KCNK10: variants seen among roughly 807,000 people sequenced by gnomAD.
KCNK10 encodes potassium two pore domain channel subfamily K member 10, also known as potassium channel subfamily K member 10.
KCNK10 carries 25 observed loss-of-function variants against 47.7 expected under a neutral mutation model. That is an observed-to-expected ratio of 0.52 (90% CI 0.38 to 0.73). The LOEUF (loss-of-function observed/expected upper bound fraction) is 0.73. KCNK10 is among the 30% of genes least tolerant of loss of function. KCNK10 has a pLI of 0.00. For synonymous variants in KCNK10, 303 were observed against 285.6 expected (o/e 1.06, Z -0.61); for missense variants, 563 against 714.5 (o/e 0.79, Z 2.42).
At position 88,187,975 on chromosome 14, in the gene KCNK10, T is replaced by C; in HGVS notation, c.1003A>G (p.Lys335Glu). ...DWLRVLSKKT[K>E]EEVGEIKAHA... ...TTAGGAAGGGGTCCTACCTCTTCTT[T>C]TGTCTTTTTGGACAGAACCCGTAGC... Residue 335 changes from lysine to glutamate, a missense_variant, in exon 6 of 7, where the codon AAA (lysine) becomes GAA (glutamate). Coordinates refer to ENST00000319231, the MANE Select transcript of KCNK10 (RefSeq NM_138317.3). 6.2e-7 allele frequency: 1 copy of C among 1,614,124 alleles called. No homozygotes were observed. The highest frequency in any genetic ancestry group is 8.5e-7 in the Non-Finnish European group (1 of 1,180,032).
At chr14:88,206,097 A>T (rs1050013168) in intron 4 of KCNK10, among the ~76,000 whole-genome samples, 2 of 152,230 alleles carry the variant, frequency 1.3e-5, no homozygotes, top group Non-Finnish European at 2.9e-5. Context: ...TGGGAAATAC[A>T]TCAAGGGAAG....
chr14:88,302,582 T>G (rs1005099109), intron 1 of KCNK10, among the ~76,000 whole-genome samples: 13 of 151,872 alleles, frequency 8.6e-5, no homozygotes, highest in Non-Finnish European at 1.6e-4. Flanking sequence ...TGGTGGCACA[T>G]GCCTGTTATC....
chr14:88,326,297 C>A (rs1888661670), upstream of KCNK10: 2 of 762,200 alleles, frequency 2.6e-6, no homozygotes, highest in African/African-American at 1.7e-5. Flanking sequence ...GAGTGGACTG[C>A]ATGGAGTGGG....
rs756252035 is a variant in KCNK10, at chr14:88,185,855, TG to T, written c.1311del (p.Asn437LysfsTer73). 1 of 1,614,054 alleles carries T rather than the reference TG, an allele frequency of 6.2e-7. No individual in the cohort carries two copies. The highest frequency in any genetic ancestry group is 1.3e-5 in the African/African-American group (1 of 74,932). ...TCCTCGGACGCACCCTGCCCATGCT[TG>T]TTCAGCTGCTCCGGCCCCTTCAGGC... ...NLRLKGPEQL[N>X]KHGQGASEDN... On this transcript the variant is annotated frameshift_variant, in exon 7 of 7. Transcript: ENST00000319231. LOFTEE classifies it high-confidence loss of function. This position sits in a 1 kb window ranked among gnomAD's most constrained non-coding sequence, Gnocchi z 4.3.
chr14:88,285,309 G>A (rs192933577), intron 1 of KCNK10, among the ~76,000 whole-genome samples: 18 of 152,128 alleles, frequency 1.2e-4, no homozygotes, highest in Middle Eastern at 3.4e-3. Context: ...ATGGGGTTTC[G>A]CCATGTTGGC....
chr14:88,182,812 T>C lies in KCNK10; in HGVS notation c.*2723A>G, dbSNP rs1218723669. ...GCTTTGAACTATTTTATTCCTGCTG[T>C]ATGCAGAGTTTCTACAAAGTTAGCA... On this transcript the variant is annotated 3_prime_UTR_variant, in exon 7 of 7. Coordinates refer to ENST00000319231, the MANE Select transcript of KCNK10 (RefSeq NM_138317.3). 6.6e-6 allele frequency: 1 copy of C among 152,398 alleles called. No homozygotes were observed. Among genetic ancestry groups the C allele is most frequent in the Non-Finnish European group, 1.5e-5 (1 of 68,048 alleles). The allele number at this position is 152,398 out of a possible 1,614,324, so 9.4% of individuals were successfully genotyped here.
chr14:88,309,944 C>T (rs1014995144), intron 1 of KCNK10, among the ~76,000 whole-genome samples: 1 of 152,026 alleles, frequency 6.6e-6, no homozygotes, highest in Non-Finnish European at 1.5e-5. Flanking sequence ...CTGCTCCCTA[C>T]ACAGCACCTG....
Position 88,323,100 on chromosome 14 carries a change from T to A in KCNK10, c.-302A>T. 8.3e-7 allele frequency: 1 copy of A among 1,207,578 alleles called. No individual in the cohort carries two copies. Among genetic ancestry groups the A allele is most frequent in the African/African-American group, 1.6e-5 (1 of 63,948 alleles). 74.8% of individuals were successfully genotyped at this position (1,207,578 alleles called of 1,614,324 possible). A position where few individuals can be genotyped will look rare whatever the true frequency, so the allele number is the denominator to read the frequency against. On this transcript the variant is annotated 5_prime_UTR_variant, in exon 1 of 7. Coordinates refer to ENST00000319231, the MANE Select transcript of KCNK10 (RefSeq NM_138317.3). Reference sequence around the variant, plus strand: ...GGATGGAGAGGAAGGCTTGGGGAGATGGAAGAGCCAAGCTGCTTCCCAAAA... The same window carrying A: ...GGATGGAGAGGAAGGCTTGGGGAGAAGGAAGAGCCAAGCTGCTTCCCAAAA...
chr14:88,202,110 C>T (rs1012632954), intron 4 of KCNK10, among the ~76,000 whole-genome samples: 5 of 152,144 alleles, frequency 3.3e-5, no homozygotes, highest in Admixed American at 6.5e-5. Context: ...CTAAAAGCAA[C>T]AAAAGAAGAT....
rs549039240 is a variant in KCNK10 at position 88,182,669 on chromosome 14, C to A, written c.*2866G>T. 2 of 152,422 alleles carry A rather than the reference C, an allele frequency of 1.3e-5. No homozygotes were observed. The highest frequency in any genetic ancestry group is 4.1e-4 in the South Asian group (2 of 4,822). The allele number at this position is 152,422 out of a possible 1,614,324, so 9.4% of individuals were successfully genotyped here. Reference sequence around the variant, plus strand: ...ATGGGTTATGTAGAAAATTTTCCCACCCCCAGCCCAAGGTTATGTTTGATC... The same window carrying A: ...ATGGGTTATGTAGAAAATTTTCCCAACCCCAGCCCAAGGTTATGTTTGATC... On this transcript the variant is annotated 3_prime_UTR_variant, in exon 7 of 7. Transcript: ENST00000319231.
intron 1 of KCNK10, among the ~76,000 whole-genome samples, chr14:88,273,390 G>A (rs1232443288): frequency 7.9e-5 from 12 of 152,178 alleles, no homozygotes; most frequent in Admixed American, 7.9e-4. Flanking sequence ...GCAGCATTTT[G>A]CTGTTTTTAC....
chr14:88,308,459 A>G (rs1213127254), intron 1 of KCNK10, among the ~76,000 whole-genome samples: 1 of 152,246 alleles, frequency 6.6e-6, no homozygotes. Flanking sequence ...AAGGCATATA[A>G]CAGACAAAAG....
At chr14:88,320,323 T>G (rs2139808187) in intron 1 of KCNK10, among the ~76,000 whole-genome samples, 1 of 152,344 alleles carries the variant, frequency 6.6e-6, no homozygotes, top group South Asian at 2.1e-4. Flanking sequence ...TTGTATGCTT[T>G]TCTTCACTGT....
chr14:88,252,112 G>T (rs1040280795), intron 2 of KCNK10, among the ~76,000 whole-genome samples: 6 of 151,738 alleles, frequency 4.0e-5, no homozygotes, highest in African/African-American at 1.5e-4. Flanking sequence ...ATGGGGTTTT[G>T]CCATGTTGCC....
At chr14:88,195,482 A>G (rs1204078542) in intron 4 of KCNK10, among the ~76,000 whole-genome samples, 1 of 152,154 alleles carries the variant, frequency 6.6e-6, no homozygotes, top group African/African-American at 2.4e-5. Context: ...CCATTGAGGA[A>G]TGTTCCCTCA....
Position 88,272,237 on chromosome 14 carries a change from T to C in KCNK10, c.53-8686A>G, listed in dbSNP as rs1444969081. On this transcript the variant is annotated intron_variant, in intron 1 of 6. Transcript: ENST00000319231. ...TGCCTTGTTCAAAGCAAGTCCTCAA[T>C]CAACGTGAGCTGTCCACATTATTAG... 2.0e-5 allele frequency among the ~76,000 whole-genome samples: 3 copies of C among 152,284 alleles called. No individual in the cohort carries two copies. The South Asian group carries it at 6.2e-4, about 32-fold the overall frequency.
intron 1 of KCNK10, among the ~76,000 whole-genome samples, chr14:88,275,603 C>G (rs1178338214): frequency 1.3e-5 from 2 of 148,306 alleles, no homozygotes; most frequent in African/African-American, 5.0e-5. Context: ...CATCCCAGCA[C>G]TTTGTGAGGC....
intron 1 of KCNK10, among the ~76,000 whole-genome samples, chr14:88,263,883 A>T (rs555968181): frequency 6.6e-6 from 1 of 152,338 alleles, no homozygotes; most frequent in East Asian, 1.9e-4. Context: ...TGTTGAAACA[A>T]TGTGTAAGGA....
At chr14:88,207,218 G>T (rs1006761454) in intron 4 of KCNK10, among the ~76,000 whole-genome samples, 2 of 142,606 alleles carry the variant, frequency 1.4e-5, no homozygotes, top group African/African-American at 2.7e-5. Flanking sequence ...TGTCGCCCAG[G>T]CCGGAGTGCA....
Sources: allele counts gnomAD v4.1 joint callset (sites outside exome capture counted in the v4.1 genomes callset), GRCh38; gene constraint gnomAD v4.1.1; non-coding constraint Gnocchi (gnomAD v3.1); transcripts MANE v1.5; gene names NCBI Gene and HGNC (gene_info 2026-07-23, HGNC 2026-07-21).